The following IARS1 variants were observed in gnomAD, a reference collection of about 807,000 sequenced individuals.
The protein encoded by IARS1 is isoleucyl-tRNA synthetase 1.
IARS1 carries 124 observed loss-of-function variants against 168.2 expected under a neutral mutation model. The ratio of observed to expected loss-of-function variants is 0.74; its 90% CI spans 0.64 to 0.86. The LOEUF (loss-of-function observed/expected upper bound fraction) is 0.86, where lower values mean the gene tolerates loss of function less well. Ranked by LOEUF, IARS1 falls within the 40% of genes least tolerant of loss-of-function variation. The pLI is 0.00. For synonymous variants in IARS1, 532 were observed against 529.4 expected (o/e 1.00, Z -0.07); for missense variants, 1,452 against 1,515.8 (o/e 0.96, Z 0.70).
At chr9:92,231,554 C>T (rs1826696803) in intron 30 of IARS1, among the ~76,000 whole-genome samples, 1 of 150,690 alleles carries the variant, frequency 6.6e-6, no homozygotes, top group South Asian at 2.1e-4. Flanking sequence ...GCTGGGATTA[C>T]AGACATGTGC....
intron 14 of IARS1, among the ~76,000 whole-genome samples, chr9:92,266,738 C>T (rs1363707880): frequency 6.6e-6 from 1 of 152,180 alleles, no homozygotes. Context: ...CCCCACCGCC[C>T]GTTTCTTCTC....
chr9:92,265,009 G>A lies in IARS1; in HGVS notation c.1620C>T (p.Tyr540=). Reference sequence around the variant, plus strand: ...CAAACTCCCTCTTGTTTTCAAACGGGTAATGAACCTGAGCATAGGGCATGC... The same window carrying A: ...CAAACTCCCTCTTGTTTTCAAACGGATAATGAACCTGAGCATAGGGCATGC... ...SGSMPYAQVH[Y]PFENKREFED... The change falls in exon 16 of 34, where the codon TAC becomes TAT. Residue 540 remains tyrosine (Y), a synonymous_variant. Coordinates refer to ENST00000443024, the MANE Select transcript of IARS1 (RefSeq NM_002161.6). 6.2e-7 allele frequency: 1 copy of A among 1,614,174 alleles called. No homozygotes were observed. The highest frequency in any genetic ancestry group is 8.5e-7 in the Non-Finnish European group (1 of 1,180,020).
chr9:92,284,725 C>T (rs949879774), intron 6 of IARS1, among the ~76,000 whole-genome samples: 2 of 151,440 alleles, frequency 1.3e-5, no homozygotes, highest in Non-Finnish European at 1.5e-5. Flanking sequence ...GCCAAGATCG[C>T]GCCACTGCAC....
chr9:92,277,985 A>G (rs1834001833), intron 8 of IARS1, 62 bp from the exon 9 acceptor site: 1 of 1,483,136 alleles, frequency 6.7e-7, no homozygotes, highest in Admixed American at 1.7e-5. Flanking sequence ...CTGCAGCCAC[A>G]TCAAGCTACC....
At chr9:92,217,050 G>T (rs1838828338) in intron 33 of IARS1, among the ~76,000 whole-genome samples, 1 of 148,216 alleles carries the variant, frequency 6.7e-6, no homozygotes, top group Admixed American at 6.7e-5. Flanking sequence ...AAATGTAAAA[G>T]AACAGAAATT....
At chr9:92,268,375 G>A in intron 13 of IARS1, 75 bp from the exon 14 acceptor site, 2 of 1,471,536 alleles carry the variant, frequency 1.4e-6, no homozygotes, top group East Asian at 2.3e-5. Flanking sequence ...ACCCACAGGA[G>A]CCTTTGTATA....
rs962466240 is a variant in IARS1, at chr9:92,287,806, A to G, written c.381T>C (p.Tyr127=). ...NNQCRAIVMR[Y]SAEWKSTVSR... is the part of the protein sequence containing the mutation. The stretch of plus-strand genomic sequence containing the variant: ...CCCAACATACCTTCCACTCAGCAGA[A>G]TATCTCATCACAATTGCTCGGCACT... The change falls in exon 4 of 34, where the codon TAT becomes TAC. Residue 127 remains tyrosine (Y), a synonymous_variant. Coordinates refer to ENST00000443024, the MANE Select transcript of IARS1 (RefSeq NM_002161.6). The G allele has an allele frequency of 9.9e-6, 16 of 1,613,040 alleles. No homozygotes were observed. Among genetic ancestry groups the G allele is most frequent in the African/African-American group, 1.3e-5 (1 of 74,888 alleles).
chr9:92,274,421 C>T lies in IARS1; in HGVS notation c.990+5G>A. The stretch of plus-strand genomic sequence containing the variant: ...AAATACATTTGCCAGACTTATGCTA[C>T]TCACAGCACCGAAGTAAGGAGCTTG... On this transcript the variant is annotated splice_donor_5th_base_variant and intron_variant, in intron 10 of 33. Coordinates refer to ENST00000443024, the MANE Select transcript of IARS1 (RefSeq NM_002161.6). The T allele has an allele frequency of 6.2e-7, 1 of 1,609,754 alleles. No homozygotes were observed. Among genetic ancestry groups the T allele is most frequent in the South Asian group, 1.1e-5 (1 of 91,008 alleles).
Position 92,268,174 on chromosome 9 carries a change from C to T in IARS1, c.1431G>A (p.Glu477=), listed in dbSNP as rs1300352060. 1 of 1,575,378 alleles carries T rather than the reference C, an allele frequency of 6.3e-7. No homozygotes were observed. The highest frequency in any genetic ancestry group is 8.6e-7 in the Non-Finnish European group (1 of 1,166,376). The change falls in exon 14 of 34, where the codon GAG becomes GAA. Residue 477 remains glutamate (E), a splice_region_variant and synonymous_variant. Transcript: ENST00000443024. ...ACAAGGAAATACTGCCATGCCTCAC[C>T]TCCTCAAAGTCATCGCTGACCCACA... ...IPLWVSDDFE[E]VVCIGSVAEL...
At chr9:92,285,286 C>T (rs1835265223) in intron 6 of IARS1, among the ~76,000 whole-genome samples, 1 of 152,148 alleles carries the variant, frequency 6.6e-6, no homozygotes, top group African/African-American at 2.4e-5. Flanking sequence ...GATTCTATCT[C>T]ATCAGAGGAA....
intron 19 of IARS1, among the ~76,000 whole-genome samples, chr9:92,257,181 G>A (rs1241534781): frequency 6.6e-6 from 1 of 152,216 alleles, no homozygotes; most frequent in Non-Finnish European, 1.5e-5. Flanking sequence ...CTGAAAATGA[G>A]TACTGGGAAA....
Position 92,271,418 on chromosome 9 carries a change from C to T in IARS1, c.1113+115G>A, listed in dbSNP as rs1305113153. On this transcript the variant is annotated intron_variant, in intron 11 of 33. Transcript: ENST00000443024. Reference sequence around the variant, plus strand: ...AACATCTGTCTTTACGGATTTCATGCGATGACAAAACCAAATAAAAACAAC... The same window carrying T: ...AACATCTGTCTTTACGGATTTCATGTGATGACAAAACCAAATAAAAACAAC... 10 of 1,312,062 alleles carry T rather than the reference C, an allele frequency of 7.6e-6. No homozygotes were observed. In the East Asian group the frequency reaches 9.3e-5, roughly 12 times the overall value. The allele number at this position is 1,312,062 out of a possible 1,614,324, so 81.3% of individuals were successfully genotyped here.
chr9:92,251,732 G>A, intron 22 of IARS1, 76 bp downstream of exon 22: 1 of 943,628 alleles, frequency 1.1e-6, no homozygotes, highest in East Asian at 2.4e-5. Flanking sequence ...GGATATAAAT[G>A]GAGGATGCTG....
intron 20 of IARS1, among the ~76,000 whole-genome samples, chr9:92,254,598 T>C (rs1291612905): frequency 6.6e-6 from 1 of 152,190 alleles, no homozygotes; most frequent in African/African-American, 2.4e-5. Context: ...AACTGAGACC[T>C]GTCTAAATGA....
At chr9:92,246,136 G>C (rs1829163830) in intron 26 of IARS1, among the ~76,000 whole-genome samples, 1 of 152,140 alleles carries the variant, frequency 6.6e-6, no homozygotes, top group Non-Finnish European at 1.5e-5. Flanking sequence ...TGGCTTGAAG[G>C]CTCGTAACAC....
At chr9:92,254,184 AG>A (rs1265531323) in intron 20 of IARS1, among the ~76,000 whole-genome samples, 2 of 152,194 alleles carry the variant, frequency 1.3e-5, no homozygotes, top group Admixed American at 1.3e-4. Flanking sequence ...AAACAGCATC[AG>A]AGGTAGTGAA....
chr9:92,283,096 T>C (rs1834892607), intron 6 of IARS1, among the ~76,000 whole-genome samples: 1 of 152,032 alleles, frequency 6.6e-6, no homozygotes, highest in Non-Finnish European at 1.5e-5. Flanking sequence ...GGATTTCAGG[T>C]GTGAGCCACT....
At chr9:92,282,860 ATT>A (rs35959111) in intron 6 of IARS1, among the ~76,000 whole-genome samples, 12,916 of 132,656 alleles carry the variant, frequency 0.097, 695 homozygotes, top group South Asian at 0.2. Context: ...ATATATATAT[ATT>A]TTTTTTTTTT....
chr9:92,266,051 C>A (rs1415769907), intron 14 of IARS1, among the ~76,000 whole-genome samples: 1 of 152,194 alleles, frequency 6.6e-6, no homozygotes, highest in African/African-American at 2.4e-5. Flanking sequence ...ACAGCCTACT[C>A]TTAGTCTCTG....
Sources: allele counts gnomAD v4.1 joint callset (sites outside exome capture counted in the v4.1 genomes callset), GRCh38; gene constraint gnomAD v4.1.1; transcripts MANE v1.5; gene names NCBI Gene and HGNC (gene_info 2026-07-23, HGNC 2026-07-21).